The following CNTNAP2 variants were observed in gnomAD, a reference collection of about 807,000 sequenced individuals.
CNTNAP2 encodes contactin associated protein 2, also known as contactin-associated protein-like 2.
A neutral mutation model predicts 155.2 loss-of-function variants in CNTNAP2; 98 were observed. That is an observed-to-expected ratio of 0.63 (90% CI 0.54 to 0.75). The LOEUF (loss-of-function observed/expected upper bound fraction) is 0.75. Ranked by LOEUF, CNTNAP2 falls within the 30% of genes least tolerant of loss-of-function variation. CNTNAP2 has a pLI of 0.00. For synonymous variants in CNTNAP2, 651 were observed against 631.2 expected (o/e 1.03, Z -0.47); for missense variants, 1,727 against 1,688.1 (o/e 1.02, Z -0.40).
In CNTNAP2 at chr7:148,181,981, T is replaced by A. The variant is rs1207106252; in HGVS notation, c.3010+9503T>A. Among the ~76,000 whole-genome samples, 4 of 151,506 alleles carry A rather than the reference T, an allele frequency of 2.6e-5. No homozygotes were observed. In the East Asian group the frequency reaches 7.8e-4, roughly 30 times the overall value. On this transcript the variant is annotated intron_variant, in intron 18 of 23. Coordinates refer to ENST00000361727, the MANE Select transcript of CNTNAP2 (RefSeq NM_014141.6). ...ACCATGTTGGCCAGGATGGTCTCGATCTCCTGACCTCGTGATCCGCCCGCC... is the reference window on the plus strand; with the variant it reads ...ACCATGTTGGCCAGGATGGTCTCGAACTCCTGACCTCGTGATCCGCCCGCC...
chr7:148,099,429 G>GTGTGTGTGTGTGTGTGTGTGTGTGTT lies in CNTNAP2; in HGVS notation c.2384-18664_2384-18663insTTGTGTGTGTGTGTGTGTGTGTGTGT, dbSNP rs1804048881. 4.3e-5 allele frequency among the ~76,000 whole-genome samples: 5 copies of GTGTGTGTGTGTGTGTGTGTGTGTGTT among 115,758 alleles called. No individual in the cohort carries two copies. The South Asian group carries it at 1.2e-3, about 29-fold the overall frequency. The allele number at this position is 115,758 out of a possible 152,430, so 75.9% of individuals were successfully genotyped here. ...AGAAAAAAGCATTGCAATTGTGTGT[G>GTGTGTGTGTGTGTGTGTGTGTGTGTT]TGTGTGTGTGTGTGTGTGTGTGTGT... is the stretch of plus-strand genomic sequence containing the variant. On this transcript the variant is annotated intron_variant, in intron 15 of 23. Coordinates refer to ENST00000361727, the MANE Select transcript of CNTNAP2 (RefSeq NM_014141.6).
chr7:146,343,969 T>C (rs1563047705), intron 1 of CNTNAP2, among the ~76,000 whole-genome samples: 2 of 152,094 alleles, frequency 1.3e-5, no homozygotes, highest in Non-Finnish European at 2.9e-5. Flanking sequence ...TAGTTTTCTG[T>C]AGTTTTCAAA....
intron 1 of CNTNAP2, among the ~76,000 whole-genome samples, chr7:146,474,905 C>A (rs1796851841): frequency 6.6e-6 from 1 of 152,052 alleles, no homozygotes; most frequent in Admixed American, 6.6e-5. Flanking sequence ...TAACTGCCAC[C>A]AGCTTAGGTG....
At chr7:148,082,362 A>G (rs1440001402) in intron 15 of CNTNAP2, among the ~76,000 whole-genome samples, 1 of 152,230 alleles carries the variant, frequency 6.6e-6, no homozygotes, top group Non-Finnish European at 1.5e-5. Context: ...AGCCCAGGGG[A>G]AAATCCAAGC....
At chr7:147,111,696 C>T (rs1800883594) in intron 5 of CNTNAP2, among the ~76,000 whole-genome samples, 1 of 152,080 alleles carries the variant, frequency 6.6e-6, no homozygotes, top group South Asian at 2.1e-4. Flanking sequence ...GGTCTTATTT[C>T]TGAGTTCTAT....
intron 1 of CNTNAP2, among the ~76,000 whole-genome samples, chr7:146,513,874 G>C (rs1197105281): frequency 6.6e-6 from 1 of 151,874 alleles, no homozygotes. Context: ...AAAGGGTCTG[G>C]TCTTGGTGAA....
chr7:147,853,088 T>A (rs1298446118), intron 13 of CNTNAP2, among the ~76,000 whole-genome samples: 3 of 152,238 alleles, frequency 2.0e-5, no homozygotes, highest in Non-Finnish European at 4.4e-5. Context: ...AAGGCTGTGC[T>A]ACTCCCACCT....
At chr7:147,824,166 TGTA>T (rs1473114072) in intron 13 of CNTNAP2, among the ~76,000 whole-genome samples, 2 of 152,194 alleles carry the variant, frequency 1.3e-5, no homozygotes, top group Non-Finnish European at 2.9e-5. Flanking sequence ...GGTTTAACTG[TGTA>T]GTCTCTCCTT....
At chr7:147,380,868 C>T (rs1304107724) in intron 9 of CNTNAP2, among the ~76,000 whole-genome samples, 1 of 152,020 alleles carries the variant, frequency 6.6e-6, no homozygotes, top group African/African-American at 2.4e-5. Context: ...TTTCCATCTG[C>T]AATGATACTA....
chr7:147,789,663 A>G (rs1797790112), intron 13 of CNTNAP2, among the ~76,000 whole-genome samples: 1 of 152,170 alleles, frequency 6.6e-6, no homozygotes, highest in Non-Finnish European at 1.5e-5. Flanking sequence ...TGGGAGCGAA[A>G]GTCTCCCAGT....
chr7:147,649,579 A>G (rs933926715), intron 13 of CNTNAP2, among the ~76,000 whole-genome samples: 2 of 152,160 alleles, frequency 1.3e-5, no homozygotes, highest in African/African-American at 2.4e-5. Context: ...TTTGAAGATG[A>G]TCACATCTTA....
rs1025029671 is a variant in CNTNAP2 at position 147,567,460 on chromosome 7, A to G, written c.1897+5203A>G. ...TGACAGCTGTGAATAATATTCTCCA[A>G]AGGACACCCAGAGATAAGACAGGGA... On this transcript the variant is annotated intron_variant, in intron 12 of 23. Transcript: ENST00000361727. Among the ~76,000 whole-genome samples, 8 of 152,316 alleles carry G rather than the reference A, an allele frequency of 5.3e-5. No homozygotes were observed. The South Asian group carries it at 1.7e-3, about 32-fold the overall frequency.
chr7:147,514,696 G>A (rs1799086411), intron 11 of CNTNAP2, among the ~76,000 whole-genome samples: 1 of 151,770 alleles, frequency 6.6e-6, no homozygotes, highest in African/African-American at 2.4e-5. Context: ...CTTATCCACA[G>A]TGAGTATAGA....
At chr7:147,088,916 C>T (rs1470919804) in intron 4 of CNTNAP2, among the ~76,000 whole-genome samples, 1 of 151,738 alleles carries the variant, frequency 6.6e-6, no homozygotes, top group Non-Finnish European at 1.5e-5. Context: ...TTCAATCCAG[C>T]CTGGGTGACA....
intron 9 of CNTNAP2, among the ~76,000 whole-genome samples, chr7:147,393,971 T>G (rs188862047): frequency 6.6e-6 from 1 of 152,010 alleles, no homozygotes; most frequent in African/African-American, 2.4e-5. Context: ...CTATCCTTGG[T>G]CAAAAAGAAT....
intron 8 of CNTNAP2, among the ~76,000 whole-genome samples, chr7:147,238,385 CT>C (rs1428621296): frequency 6.8e-6 from 1 of 146,302 alleles, no homozygotes; most frequent in Non-Finnish European, 1.5e-5. Context: ...AATTTCATTC[CT>C]ACAAATATGT....
chr7:147,486,080 A>C (rs373958522), intron 11 of CNTNAP2, 39 bp downstream of exon 11: 2 of 1,542,802 alleles, frequency 1.3e-6, no homozygotes, highest in Admixed American at 1.7e-5. Flanking sequence ...TTGTAATTGC[A>C]TGAGAATCTC....
intron 1 of CNTNAP2, among the ~76,000 whole-genome samples, chr7:146,724,098 G>T (rs1801386895): frequency 6.6e-6 from 1 of 152,122 alleles, no homozygotes; most frequent in African/African-American, 2.4e-5. Context: ...AAAGTCATAT[G>T]CAAGATATCA....
chr7:146,190,366 T>G (rs1257641643), intron 1 of CNTNAP2, among the ~76,000 whole-genome samples: 2 of 152,156 alleles, frequency 1.3e-5, no homozygotes, highest in African/African-American at 4.8e-5. Context: ...AGAAAGACTG[T>G]TGAAGTACGA....
Sources: allele counts gnomAD v4.1 joint callset (sites outside exome capture counted in the v4.1 genomes callset), GRCh38; gene constraint gnomAD v4.1.1; transcripts MANE v1.5; gene names NCBI Gene and HGNC (gene_info 2026-07-23, HGNC 2026-07-21).